The following HUWE1 variants were observed in gnomAD, a reference collection of about 807,000 sequenced individuals.
HUWE1 encodes the protein E3 ubiquitin-protein ligase HUWE1.
A neutral mutation model predicts 299.4 loss-of-function variants in HUWE1; 18 were observed. The ratio of observed to expected loss-of-function variants is 0.06; its 90% CI spans 0.04 to 0.09. HUWE1 has a LOEUF of 0.09. Among genes scored for constraint, HUWE1 ranks in the 10% least tolerant of loss-of-function variants. The pLI is 1.00. For missense variants in HUWE1, 1,832 were observed against 3,462.3 expected, an observed-to-expected ratio of 0.53 and a Z score of 11.82; for synonymous variants, 1,317 against 1,286.1, an observed-to-expected ratio of 1.02 and a Z score of -0.51.
At chrX:53,680,427 C>T in intron 2 of HUWE1, 1 of 183,099 alleles carries the variant, frequency 5.5e-6, no homozygotes, top group East Asian at 1.0e-4. Flanking sequence ...AGTTCTCAAC[C>T]CAAATGAAAT....
chrX:53,539,888 C>T (rs2061263842), intron 74 of HUWE1, 76 bp from the exon 75 acceptor site: 3 of 986,903 alleles, frequency 3.0e-6, no homozygotes, highest in East Asian at 6.7e-5. Context: ...ACCACACGCA[C>T]CAACTAATAT....
At chrX:53,618,101 G>A (rs2065902512) in intron 19 of HUWE1, among the ~76,000 whole-genome samples, 2 of 111,787 alleles carry the variant, frequency 1.8e-5, no homozygotes, top group East Asian at 5.6e-4. Context: ...TACTCAAGAG[G>A]AAATAGTACA....
intron 28 of HUWE1, among the ~76,000 whole-genome samples, chrX:53,602,351 G>A (rs1319978345): frequency 4.6e-4 from 45 of 98,490 alleles, no homozygotes; most frequent in Admixed American, 1.1e-4. Flanking sequence ...TTTTTTTTTG[G>A]TGGCAGAAAT....
chrX:53,558,234 T>C (rs782158359), intron 59 of HUWE1, among the ~76,000 whole-genome samples: 3 of 111,943 alleles, frequency 2.7e-5, no homozygotes, highest in African/African-American at 9.8e-5. Flanking sequence ...TTCTCTGATC[T>C]GACACCTAGG....
At chrX:53,573,317 A>C (rs1471809818) in intron 47 of HUWE1, among the ~76,000 whole-genome samples, 2 of 108,869 alleles carry the variant, frequency 1.8e-5, no homozygotes, top group African/African-American at 7.0e-5. Flanking sequence ...GGCTCACTGC[A>C]ATCTTTGCCT....
intron 72 of HUWE1, 31 bp from the exon 73 acceptor site, chrX:53,543,999 A>G (rs2061452250): frequency 1.8e-6 from 2 of 1,134,313 alleles, no homozygotes; most frequent in South Asian, 3.8e-5. Context: ...AAGGCAAGAT[A>G]TAAAATATAG....
chrX:53,583,819 A>G lies in HUWE1; in HGVS notation c.5259T>C (p.Asp1753=). Residue 1753 remains aspartate (D), a synonymous_variant, in exon 42 of 84, where the codon GAT becomes GAC. Transcript: ENST00000262854. ...AGGCCCGGATTAAAACAGTCACCAT[A>G]TCTTCTGTCAAGCCCTGGATCAGGA... ...GEILIQGLTE[D]MVTVLIRACV... 1 of 1,208,051 alleles carries G rather than the reference A, an allele frequency of 8.3e-7. No individual in the cohort carries two copies. The highest frequency in any genetic ancestry group is 1.1e-6 in the Non-Finnish European group (1 of 893,645).
At chrX:53,551,219 T>A in intron 64 of HUWE1, 30 bp from the exon 65 acceptor site, 1 of 1,211,019 alleles carries the variant, frequency 8.3e-7, no homozygotes, top group South Asian at 1.8e-5. Flanking sequence ...AATGAGGGCA[T>A]TTCTCCTGCC....
intron 42 of HUWE1, among the ~76,000 whole-genome samples, chrX:53,582,200 C>T (rs1007083559): frequency 2.7e-5 from 3 of 112,837 alleles, no homozygotes; most frequent in Non-Finnish European, 3.7e-5. Flanking sequence ...TGAGGACCTA[C>T]ACTTTCTCCT....
At chrX:53,631,822 C>A (rs1452991072) in intron 9 of HUWE1, 1 of 426,659 alleles carries the variant, frequency 2.3e-6, no homozygotes, top group Admixed American at 4.2e-5. Flanking sequence ...TCCTTTAAAA[C>A]CAGTAGTATC....
At chrX:53,678,757 C>T (rs1466754461) in intron 3 of HUWE1, among the ~76,000 whole-genome samples, 1 of 111,567 alleles carries the variant, frequency 9.0e-6, no homozygotes, top group Non-Finnish European at 1.9e-5. Flanking sequence ...GAATAAAAAG[C>T]AACATTATAA....
Position 53,564,674 on chromosome X carries a change from T to G in HUWE1, c.6929A>C (p.Gln2310Pro). The G allele has an allele frequency of 8.3e-7, 1 of 1,211,946 alleles. No individual in the cohort carries two copies. Among genetic ancestry groups the G allele is most frequent in the Non-Finnish European group, 1.1e-6 (1 of 895,479 alleles). The change falls in exon 51 of 84, where the codon CAG (glutamine) becomes CCG (proline). Residue 2310 changes from glutamine (Q) to proline (P), a missense_variant. Physicochemically the swap from Gln to Pro is moderately conservative, Grantham distance 76 (BLOSUM62 -1). Around this residue, in one of 15 missense-constraint regions of HUWE1, gnomAD observed 170 missense variants for 335.8 expected, o/e 0.51. Coordinates refer to ENST00000262854, the MANE Select transcript of HUWE1 (RefSeq NM_031407.7). ...EVQEEDHDVT[Q>P]TEVADGDIMD... ...GATATCCCCATCTGCCACCTCTGTCTGAGTGACATCATGATCCTCCTCCTG... is the reference window on the plus strand; with the variant it reads ...GATATCCCCATCTGCCACCTCTGTCGGAGTGACATCATGATCCTCCTCCTG...
chrX:53,636,923 G>T (rs923887265), intron 7 of HUWE1, among the ~76,000 whole-genome samples: 8 of 112,062 alleles, frequency 7.1e-5, no homozygotes, highest in African/African-American at 2.3e-4. Context: ...TACTGTAATG[G>T]AATCAATTTC....
At chrX:53,660,209 A>G (rs2068930054) in intron 3 of HUWE1, among the ~76,000 whole-genome samples, 1 of 112,153 alleles carries the variant, frequency 8.9e-6, no homozygotes, top group Non-Finnish European at 1.9e-5. Context: ...GAAACAGCTT[A>G]GCTTGGGGTA....
intron 29 of HUWE1, among the ~76,000 whole-genome samples, chrX:53,597,881 G>A (rs1315126788): frequency 9.1e-6 from 1 of 109,691 alleles, no homozygotes; most frequent in African/African-American, 3.3e-5. Context: ...TTACACCACT[G>A]AAGATGCCAT....
intron 52 of HUWE1, 74 bp from the exon 53 acceptor site, chrX:53,563,003 G>C (rs1344311738): frequency 2.2e-5 from 19 of 861,619 alleles, no homozygotes; most frequent in Non-Finnish European, 3.1e-5. Context: ...GTCTAAAGTA[G>C]CTATGTACAC....
rs782308318 is a variant in HUWE1 at position 53,533,995 on chromosome X, C to T, written c.13022+12G>A. ...TAAGCACTGAAAAGGAGAAACAAAC[C>T]CTTCCTTTTACCATGTGTGAGCTGA... is the stretch of plus-strand genomic sequence containing the variant. On this transcript the variant is annotated intron_variant, in intron 83 of 83. Coordinates refer to ENST00000262854, the MANE Select transcript of HUWE1 (RefSeq NM_031407.7). 1 of 1,202,322 alleles carries T rather than the reference C, an allele frequency of 8.3e-7. No homozygotes were observed. Among genetic ancestry groups the T allele is most frequent in the Admixed American group, 2.2e-5 (1 of 45,984 alleles).
rs200014370 is a variant in HUWE1 at position 53,565,225 on chromosome X, T to C, written c.6722A>G (p.Asn2241Ser). Residue 2241 changes from asparagine (N) to serine (S), a missense_variant, in exon 50 of 84, where the codon AAC becomes AGC. By Grantham distance (46) the Asn-to-Ser change is conservative (BLOSUM62 1). Around this residue, in one of 15 missense-constraint regions of HUWE1, gnomAD observed 157 missense variants for 252.3 expected, o/e 0.62. Coordinates refer to ENST00000262854, the MANE Select transcript of HUWE1 (RefSeq NM_031407.7). Reference sequence around the variant, plus strand: ...AGGCTTCAGAGCAGCATTGACTGTGTTGGCCATGTTGGGACTGAGATAAGG... The same window carrying C: ...AGGCTTCAGAGCAGCATTGACTGTGCTGGCCATGTTGGGACTGAGATAAGG... The part of the protein sequence containing the change: ...SLDLSSPNMA[N>S]TVNAALKPLE... 93 of 1,206,801 alleles carry C rather than the reference T, an allele frequency of 7.7e-5. No individual in the cohort carries two copies. The highest frequency in any genetic ancestry group is 4.6e-4 in the Middle Eastern group (2 of 4,373).
chrX:53,591,163 ATCC>A, intron 33 of HUWE1, 41 bp from the exon 34 acceptor site: 1 of 1,193,497 alleles, frequency 8.4e-7, no homozygotes, highest in East Asian at 3.0e-5. Flanking sequence ...CATAACGGAA[ATCC>A]AAATACATTT....
Sources: gnomAD v4.1 joint callset for allele counts (sites outside exome capture counted in the v4.1 genomes callset) on GRCh38, gnomAD v4.1.1 for gene constraint, gnomAD v4.1.1 regional missense constraint, MANE v1.5 for transcripts, NCBI Gene and HGNC (gene_info 2026-07-23, HGNC 2026-07-21) for gene names.